Variants in LDLRAD4 observed in about 807,000 individuals in gnomAD.
The protein encoded by LDLRAD4 is low-density lipoprotein receptor class A domain-containing protein 4.
A neutral mutation model predicts 17.0 loss-of-function variants in LDLRAD4; 5 were observed. That is an observed-to-expected ratio of 0.29 (90% confidence interval 0.15 to 0.62). The LOEUF (loss-of-function observed/expected upper bound fraction) is 0.62. Among genes scored for constraint, LDLRAD4 ranks in the 20% least tolerant of loss-of-function variants. The pLI is 0.84. For missense variants in LDLRAD4, 340 were observed against 424.7 expected (o/e 0.80, Z 1.75); for synonymous variants, 168 against 171.8 (o/e 0.98, Z 0.17).
In LDLRAD4 at chr18:13,343,697, C is replaced by T. The variant is rs28889875; in HGVS notation, c.-382-43644C>T. On this transcript the variant is annotated intron_variant, in intron 1 of 5. Coordinates refer to ENST00000359446, the Ensembl canonical transcript of LDLRAD4. ...TGGTTGAACTAGTTTACAATCCCAC[C>T]AACAGTGTAAAAGTGTTCCTGTTTC... 3.3e-3 allele frequency among the ~76,000 whole-genome samples: 498 copies of T among 152,312 alleles called. 4 individuals are homozygous for T. Among genetic ancestry groups the T allele is most frequent in the Middle Eastern group, 0.027 (8 of 294 alleles).
intron 2 of LDLRAD4, among the ~76,000 whole-genome samples, chr18:13,421,819 G>A (rs924749802): frequency 2.6e-5 from 4 of 152,204 alleles, no homozygotes; most frequent in Non-Finnish European, 4.4e-5. Flanking sequence ...AGGAAAAAAC[G>A]TGCCCTTCAG....
chr18:13,381,196 G>A (rs2085335587), intron 1 of LDLRAD4, among the ~76,000 whole-genome samples: 1 of 150,900 alleles, frequency 6.6e-6, no homozygotes, highest in Non-Finnish European at 1.5e-5. Context: ...TCCTGCCTCA[G>A]CCTCCCCAGT....
chr18:13,490,713 G>A (rs779898379), intron 3 of LDLRAD4: 9 of 152,132 alleles, frequency 5.9e-5, no homozygotes, highest in African/African-American at 1.4e-4. Context: ...GTTTATAGAC[G>A]TTTCCAGGGG....
rs897822010 is a variant in LDLRAD4 at position 13,622,233 on chromosome 18, G to A, written c.336+962G>A. 6.6e-6 allele frequency among the ~76,000 whole-genome samples: 1 copy of A among 152,062 alleles called. No individual in the cohort carries two copies. The highest frequency in any genetic ancestry group is 2.4e-5 in the African/African-American group (1 of 41,396). ...TTTCCTGGGGTGGCCGCTGGCCCTG[G>A]GACCCCTCTCAGGAGTGCAGGCTCA... On this transcript the variant is annotated intron_variant, in intron 4 of 5. Coordinates refer to ENST00000359446, the Ensembl canonical transcript of LDLRAD4. This position sits in a 1 kb window ranked among gnomAD's most constrained non-coding sequence, Gnocchi z 5.3.
intron 3 of LDLRAD4, among the ~76,000 whole-genome samples, chr18:13,506,269 G>A (rs3097642): frequency 0.61 from 92,504 of 150,930 alleles, 29,616 homozygotes; most frequent in East Asian, 0.73. Flanking sequence ...TGTGCATAAC[G>A]TGCAGTTTTG....
intron 3 of LDLRAD4, chr18:13,487,973 A>G (rs925857874): frequency 6.6e-6 from 1 of 152,438 alleles, no homozygotes; most frequent in African/African-American, 2.4e-5. Flanking sequence ...AGGAATTTGA[A>G]TTGCAGTCCA....
upstream of LDLRAD4, among the ~76,000 whole-genome samples, chr18:13,218,596 C>A (rs1412305317): frequency 6.6e-6 from 1 of 152,092 alleles, no homozygotes; most frequent in East Asian, 1.9e-4. Flanking sequence ...AAGGAGGGGG[C>A]GGGCCAAGCC....
chr18:13,591,292 T>G (rs902034587), intron 3 of LDLRAD4, among the ~76,000 whole-genome samples: 1 of 152,192 alleles, frequency 6.6e-6, no homozygotes, highest in Non-Finnish European at 1.5e-5. Context: ...ATTTTTTGAG[T>G]TTCATATTTA....
intron 1 of LDLRAD4, among the ~76,000 whole-genome samples, chr18:13,233,048 A>G (rs1346770984): frequency 6.6e-6 from 1 of 152,228 alleles, no homozygotes; most frequent in Non-Finnish European, 1.5e-5. Context: ...TGTGTGATCA[A>G]TGAGGACTCT....
At chr18:13,334,324 A>G (rs1298874231) in intron 1 of LDLRAD4, among the ~76,000 whole-genome samples, 1 of 151,902 alleles carries the variant, frequency 6.6e-6, no homozygotes, top group Non-Finnish European at 1.5e-5. Context: ...CACAACCTCC[A>G]CCTCCTGGGT....
At chr18:13,551,814 AT>A (rs913894535) in intron 3 of LDLRAD4, among the ~76,000 whole-genome samples, 35 of 152,120 alleles carry the variant, frequency 2.3e-4, no homozygotes, top group Non-Finnish European at 3.8e-4. Flanking sequence ...AGGTTGGGTA[AT>A]TTATAAAGAA....
intron 3 of LDLRAD4, among the ~76,000 whole-genome samples, chr18:13,511,817 C>G (rs1050507684): frequency 1.3e-5 from 2 of 152,182 alleles, no homozygotes; most frequent in African/African-American, 4.8e-5. Context: ...AATCCCCAGA[C>G]CTAAAACAAA....
intron 4 of LDLRAD4, chr18:13,642,614 G>C: frequency 1.2e-5 from 15 of 1,230,384 alleles, no homozygotes; most frequent in Non-Finnish European, 1.5e-5. Context: ...TGCGAGCGCG[G>C]ACTTGCGCCT....
chr18:13,317,001 TA>T (rs1282559914), intron 1 of LDLRAD4, among the ~76,000 whole-genome samples: 1 of 152,126 alleles, frequency 6.6e-6, no homozygotes, highest in Admixed American at 6.5e-5. Flanking sequence ...ACTGAATATT[TA>T]AAAAATTGCT....
chr18:13,386,460 C>T (rs1010015059), intron 1 of LDLRAD4, among the ~76,000 whole-genome samples: 10 of 151,884 alleles, frequency 6.6e-5, no homozygotes, highest in Admixed American at 2.0e-4. Context: ...CCTCGCCTCC[C>T]GGGTTCAAGT....
At chr18:13,453,628 G>T (rs2091964184) in intron 3 of LDLRAD4, among the ~76,000 whole-genome samples, 1 of 152,152 alleles carries the variant, frequency 6.6e-6, no homozygotes, top group African/African-American at 2.4e-5. Flanking sequence ...GTGTTTCTTT[G>T]TAAATAGTGT....
intron 3 of LDLRAD4, among the ~76,000 whole-genome samples, chr18:13,457,797 C>T (rs1295855663): frequency 6.6e-6 from 1 of 152,174 alleles, no homozygotes. Context: ...CCTGGGCCCC[C>T]GCTCCCCTGT....
rs535118232 is a variant in LDLRAD4, at chr18:13,419,220, G to A, written c.41-19024G>A. ...GGTTTTGGGACAAGGACATCTGTAC[G>A]TAGACATCTACAACCCAGAGGTATG... On this transcript the variant is annotated intron_variant, in intron 2 of 5. Coordinates refer to ENST00000359446, the Ensembl canonical transcript of LDLRAD4. Among the ~76,000 whole-genome samples, 6 of 152,246 alleles carry A rather than the reference G, an allele frequency of 3.9e-5. No homozygotes were observed. In the South Asian group the frequency reaches 1.0e-3, roughly 26 times the overall value.
intron 1 of LDLRAD4, among the ~76,000 whole-genome samples, chr18:13,255,516 C>T (rs1426905986): frequency 6.6e-6 from 1 of 152,156 alleles, no homozygotes; most frequent in Admixed American, 6.5e-5. Context: ...TGCATGTGCA[C>T]ATACAGGCAT....
Sources: allele counts gnomAD v4.1 joint callset (sites outside exome capture counted in the v4.1 genomes callset), GRCh38; gene constraint gnomAD v4.1.1; non-coding constraint Gnocchi (gnomAD v3.1); transcripts MANE v1.5; gene names NCBI Gene and HGNC (gene_info 2026-07-23, HGNC 2026-07-21).